SGSM3: variants seen among roughly 807,000 people sequenced by gnomAD.
SGSM3 encodes small G protein signaling modulator 3, also known as RUN and SH3 containing 3.
A neutral mutation model predicts 100.5 loss-of-function variants in SGSM3; 96 were observed. The observed-to-expected ratio is 0.96, with a 90% confidence interval of 0.81 to 1.13. The LOEUF (loss-of-function observed/expected upper bound fraction) is 1.13, where lower values mean the gene tolerates loss of function less well. Among genes scored for constraint, SGSM3 ranks in the 50% most tolerant of loss-of-function variants. The probability of loss-of-function intolerance (pLI) is 0.00; values close to 1 mark genes in which losing one functional copy is unlikely to be tolerated. For missense variants in SGSM3, 1,001 were observed against 1,015.8 expected (o/e 0.99, Z 0.20); for synonymous variants, 483 against 422.8 (o/e 1.14, Z -1.75).
At chr22:40,386,786 A>C (rs968594956) in intron 1 of SGSM3, among the ~76,000 whole-genome samples, 14 of 151,928 alleles carry the variant, frequency 9.2e-5, no homozygotes, top group Admixed American at 6.6e-5. Flanking sequence ...TCTATAATTC[A>C]TGACTTTGTG....
At chr22:40,387,309 ATTC>A (rs1350223967) in intron 1 of SGSM3, 2 of 398,016 alleles carry the variant, frequency 5.0e-6, no homozygotes, top group African/African-American at 4.1e-5. Context: ...TATAATTACC[ATTC>A]TTTAGGGTAA....
intron 10 of SGSM3, 77 bp from the exon 11 acceptor site, chr22:40,406,940 G>T: frequency 7.2e-7 from 1 of 1,380,088 alleles, no homozygotes. Flanking sequence ...TTTCAGATGA[G>T]ACAGTATAAG....
chr22:40,389,284 C>CT (rs1447564085), intron 1 of SGSM3, among the ~76,000 whole-genome samples: 4 of 152,172 alleles, frequency 2.6e-5, no homozygotes, highest in Admixed American at 6.6e-5. Context: ...CTAAATGCTA[C>CT]TGAGTGGTCA....
intron 15 of SGSM3, 28 bp downstream of exon 15, chr22:40,408,148 G>A (rs990340581): frequency 2.5e-6 from 4 of 1,611,162 alleles, no homozygotes; most frequent in South Asian, 1.1e-5. Context: ...GCTAGGCACG[G>A]CTGGCACCCT....
At chr22:40,396,917 A>C (rs752130588) in intron 1 of SGSM3, among the ~76,000 whole-genome samples, 22 of 152,256 alleles carry the variant, frequency 1.4e-4, no homozygotes, top group Non-Finnish European at 2.9e-4. Context: ...TAAGATTAGC[A>C]AACTAGGGAG....
rs1036249056 is a variant in SGSM3 at position 40,409,865 on chromosome 22, G to A, written c.*106G>A. 4.8e-5 allele frequency: 70 copies of A among 1,472,642 alleles called. No individual in the cohort carries two copies. The highest frequency in any genetic ancestry group is 5.9e-5 in the Non-Finnish European group (66 of 1,118,320). 91.2% of individuals were successfully genotyped at this position (1,472,642 alleles called of 1,614,324 possible). ...CTCCAGAGCCCTGGCCGGGGCCGCGGGATATCAATATCAGGCTGCCCCACT... is the reference window on the plus strand; with the variant it reads ...CTCCAGAGCCCTGGCCGGGGCCGCGAGATATCAATATCAGGCTGCCCCACT... On this transcript the variant is annotated 3_prime_UTR_variant, in exon 22 of 22. Coordinates refer to ENST00000248929, the MANE Select transcript of SGSM3 (RefSeq NM_015705.6).
chr22:40,383,284 G>A (rs918718997), intron 1 of SGSM3, among the ~76,000 whole-genome samples: 6 of 151,946 alleles, frequency 3.9e-5, no homozygotes, highest in African/African-American at 7.3e-5. Context: ...TGGCCAACAC[G>A]GTGAAACCCC....
chr22:40,383,975 A>G (rs1003935824), intron 1 of SGSM3, among the ~76,000 whole-genome samples: 2 of 152,212 alleles, frequency 1.3e-5, no homozygotes, highest in African/African-American at 4.8e-5. Context: ...AAGGCCAGGC[A>G]TCATGGCTCA....
intron 1 of SGSM3, among the ~76,000 whole-genome samples, chr22:40,378,909 T>TA (rs1288507934): frequency 6.6e-6 from 1 of 152,176 alleles, no homozygotes; most frequent in Non-Finnish European, 1.5e-5. Flanking sequence ...CCTAGTCTCT[T>TA]ATATTCCCGC....
chr22:40,372,907 C>T (rs879357481), intron 1 of SGSM3: 2 of 152,310 alleles, frequency 1.3e-5, no homozygotes, highest in African/African-American at 2.4e-5. Context: ...CAGCTGGTGA[C>T]GTCAGTAATT....
intron 6 of SGSM3, 146 bp from the exon 7 acceptor site, chr22:40,404,995 G>T: frequency 2.7e-6 from 3 of 1,116,936 alleles, no homozygotes; most frequent in Non-Finnish European, 2.5e-6. Context: ...CACACTGGCT[G>T]GGAGCTGACC....
intron 1 of SGSM3, among the ~76,000 whole-genome samples, chr22:40,370,957 G>T (rs1360015098): frequency 6.6e-6 from 1 of 152,258 alleles, no homozygotes. Context: ...GCCACCTCAG[G>T]TGTTCGGGGC....
chr22:40,403,828 T>C (rs1031386980), intron 4 of SGSM3, among the ~76,000 whole-genome samples: 1 of 151,888 alleles, frequency 6.6e-6, no homozygotes, highest in African/African-American at 2.4e-5. Flanking sequence ...GCCACTGCAG[T>C]GATCTGGATG....
chr22:40,397,964 CTGTCT>C (rs1258668710), intron 1 of SGSM3, among the ~76,000 whole-genome samples: 16 of 144,014 alleles, frequency 1.1e-4, no homozygotes, highest in Admixed American at 2.7e-4. Context: ...TCATCCAATT[CTGTCT>C]TTTTTTTTTT....
rs1328303985 is a variant in SGSM3 at position 40,370,632 on chromosome 22, C to G, written c.-168C>G. On this transcript the variant is annotated 5_prime_UTR_variant, in exon 1 of 22. Transcript: ENST00000248929. ...GGCGCCGCTGAGCGCTGACTGGGTG[C>G]GAGTGGGGAAGCTGCTAACCCGACC... 2 of 152,482 alleles carry G rather than the reference C, an allele frequency of 1.3e-5. No homozygotes were observed. The highest frequency in any genetic ancestry group is 4.1e-4 in the South Asian group (2 of 4,842). 9.4% of individuals were successfully genotyped at this position (152,482 alleles called of 1,614,324 possible).
intron 4 of SGSM3, among the ~76,000 whole-genome samples, chr22:40,402,817 T>C (rs951659934): frequency 1.1e-4 from 16 of 152,218 alleles, no homozygotes; most frequent in Admixed American, 1.0e-3. Context: ...ATAACTACTT[T>C]TCTATAACTG....
chr22:40,394,125 T>C (rs1282485315), intron 1 of SGSM3, among the ~76,000 whole-genome samples: 1 of 152,252 alleles, frequency 6.6e-6, no homozygotes, highest in Admixed American at 6.5e-5. Flanking sequence ...GGCAATGACA[T>C]CTAGTTCTGC....
chr22:40,390,578 C>T (rs982343758), intron 1 of SGSM3: 14 of 152,266 alleles, frequency 9.2e-5, no homozygotes, highest in African/African-American at 2.9e-4. Flanking sequence ...TTTCCAGAAG[C>T]GGGAATTGCT....
chr22:40,410,071 C>T lies in SGSM3; in HGVS notation c.*312C>T, dbSNP rs1034350032. The T allele has an allele frequency of 9.6e-6, 12 of 1,250,818 alleles. No individual in the cohort carries two copies. The highest frequency in any genetic ancestry group is 1.2e-5 in the Non-Finnish European group (12 of 996,904). The allele number at this position is 1,250,818 out of a possible 1,614,324, so 77.5% of individuals were successfully genotyped here. On this transcript the variant is annotated 3_prime_UTR_variant, in exon 22 of 22. Coordinates refer to ENST00000248929, the MANE Select transcript of SGSM3 (RefSeq NM_015705.6). ...GGGGTGGCTAGTAGGCTCCTGGCCT[C>T]TTTGGTTTATAAATAAACTGTGTCT... is the stretch of plus-strand genomic sequence containing the variant.
Sources: gnomAD v4.1 joint callset for allele counts (sites outside exome capture counted in the v4.1 genomes callset) on GRCh38, gnomAD v4.1.1 for gene constraint, MANE v1.5 for transcripts, NCBI Gene and HGNC (gene_info 2026-07-23, HGNC 2026-07-21) for gene names.